Variants in SLITRK1 observed in about 807,000 individuals in gnomAD.
SLITRK1 encodes SLIT and NTRK like family member 1.
A neutral mutation model predicts 42.4 loss-of-function variants in SLITRK1; 10 were observed. The ratio of observed to expected loss-of-function variants is 0.24; its 90% CI spans 0.15 to 0.40. SLITRK1 has a LOEUF of 0.40. SLITRK1 is among the 10% of genes least tolerant of loss of function. The pLI, the probability that SLITRK1 is intolerant of heterozygous loss-of-function variation, is 1.00. For synonymous variants in SLITRK1, 389 were observed against 365.7 expected (o/e 1.06, Z -0.73); for missense variants, 778 against 848.8 (o/e 0.92, Z 1.04).
chr13:83,879,756 C>A lies in SLITRK1; in HGVS notation c.1752G>T (p.Arg584Ser), dbSNP rs569159908. The A allele has an allele frequency of 6.2e-7, 1 of 1,613,984 alleles. No individual in the cohort carries two copies. The highest frequency in any genetic ancestry group is 8.5e-7 in the Non-Finnish European group (1 of 1,180,004). Reference sequence around the variant, plus strand: ...TGTGCGAAGTTAACGTGGGCGAGATCCTAGCGTACAGCTGAGGGCAGATCT... The same window carrying A: ...TGTGCGAAGTTAACGTGGGCGAGATACTAGCGTACAGCTGAGGGCAGATCT... ...NDEICPQLYA[R>S]ISPTLTSHSK... The change falls in exon 2 of 2, where the codon AGG becomes AGT. Residue 584 changes from arginine (R) to serine (S), a missense_variant. Physicochemically the swap from Arg to Ser is moderately radical, Grantham distance 110. Transcript: ENST00000674365.
Position 83,880,793 on chromosome 13 carries a change from C to T in SLITRK1, c.715G>A (p.Val239Met), listed in dbSNP as rs372764349. Residue 239 changes from valine (V) to methionine (M), a missense_variant, in exon 2 of 2, where the codon GTG (valine) becomes ATG (methionine). Around this residue, in one of 4 missense-constraint regions of SLITRK1, gnomAD observed 204 missense variants for 295.3 expected, o/e 0.69. Transcript: ENST00000674365. ...AGTCTGGTGGGGGCTTCGCAGACCA[C>T]TCGGCCGATCAGGGCATTCTTGGGA... ...NIPKNALIGR[V>M]VCEAPTRLQG... 1.2e-6 allele frequency: 2 copies of T among 1,614,062 alleles called. No homozygotes were observed. Among genetic ancestry groups the T allele is most frequent in the African/African-American group, 2.7e-5 (2 of 74,918 alleles).
chr13:83,880,128 C>G lies in SLITRK1; in HGVS notation c.1380G>C (p.Gln460His), dbSNP rs969332686. The change falls in exon 2 of 2, where the codon CAG (glutamine) becomes CAC (histidine). Residue 460 changes from glutamine to histidine, a missense_variant. Gln to His is a conservative substitution (Grantham distance 24). Coordinates refer to ENST00000674365, the MANE Select transcript of SLITRK1 (RefSeq NM_001281503.2). ...CATTGAAAGTGCCCGGGAGGATGAGCTGGATAGCGTTGTACTCCACGTTCA... is the reference window on the plus strand; with the variant it reads ...CATTGAAAGTGCCCGGGAGGATGAGGTGGATAGCGTTGTACTCCACGTTCA... Reference protein sequence around the residue: ...EYLNVEYNAIQLILPGTFNAM... With the variant: ...EYLNVEYNAIHLILPGTFNAM... The G allele has an allele frequency of 9.9e-6, 16 of 1,613,846 alleles. No homozygotes were observed. Among genetic ancestry groups the G allele is most frequent in the Non-Finnish European group, 1.4e-5 (16 of 1,179,976 alleles).
rs1884732288 is a variant in SLITRK1, at chr13:83,878,320, T to C, written c.*1097A>G. On this transcript the variant is annotated 3_prime_UTR_variant, in exon 2 of 2. Coordinates refer to ENST00000674365, the MANE Select transcript of SLITRK1 (RefSeq NM_001281503.2). ...AATAGAATTAGTAAGTTTCACGTGC[T>C]TCCTCGGTTCTCTTTTCCTACTTTA... 6.6e-6 allele frequency: 1 copy of C among 152,608 alleles called. No individual in the cohort carries two copies. The highest frequency in any genetic ancestry group is 6.5e-5 in the Admixed American group (1 of 15,278). 9.5% of individuals were successfully genotyped at this position (152,608 alleles called of 1,614,324 possible). A position where few individuals can be genotyped will look rare whatever the true frequency, so the allele number is the denominator to read the frequency against.
Position 83,880,366 on chromosome 13 carries a change from A to C in SLITRK1, c.1142T>G (p.Phe381Cys). The stretch of plus-strand genomic sequence containing the variant: ...GCTGTGGATCTTGTTATCTCGTAGG[A>C]AAAGCTCCTGCACGTTAGAGAGCTT... ...KPKLSNVQEL[F>C]LRDNKIHSIR... Residue 381 changes from phenylalanine to cysteine, a missense_variant, in exon 2 of 2, where the codon TTC (phenylalanine) becomes TGC (cysteine). This residue lies in a region of SLITRK1 where 395 missense variants were observed against 360.4 expected (regional missense o/e 1.10). Transcript: ENST00000674365. 1.2e-6 allele frequency: 2 copies of C among 1,613,904 alleles called. No individual in the cohort carries two copies. The highest frequency in any genetic ancestry group is 4.5e-5 in the East Asian group (2 of 44,846).
Position 83,881,337 on chromosome 13 carries a change from A to C in SLITRK1, c.171T>G (p.Thr57=). The C allele has an allele frequency of 6.2e-7, 1 of 1,614,182 alleles. No individual in the cohort carries two copies. The highest frequency in any genetic ancestry group is 8.5e-7 in the Non-Finnish European group (1 of 1,180,030). The change falls in exon 2 of 2, where the codon ACT becomes ACG. Residue 57 remains threonine (T), a synonymous_variant. Transcript: ENST00000674365. ...FTSLQRFTAP[T]SQFYHLFLHG... is the part of the protein sequence containing the mutation. Reference sequence around the variant, plus strand: ...GCAGAAATAAATGGTAAAACTGGGAAGTCGGGGCAGTGAAACGCTGCAGAC... The same window carrying C: ...GCAGAAATAAATGGTAAAACTGGGACGTCGGGGCAGTGAAACGCTGCAGAC...
In SLITRK1 at chr13:83,879,256, A is replaced by G. The variant is rs1594117100; in HGVS notation, c.*161T>C. The stretch of plus-strand genomic sequence containing the variant: ...CAAGGAGGGAGCTAAGTAAGGGGTC[A>G]GGCCCTTTCGGTTGTGCGAGCTCAC... On this transcript the variant is annotated 3_prime_UTR_variant, in exon 2 of 2. Transcript: ENST00000674365. 8.5e-6 allele frequency: 7 copies of G among 828,166 alleles called. No individual in the cohort carries two copies. In the East Asian group the frequency reaches 1.6e-4, roughly 19 times the overall value. 51.3% of individuals were successfully genotyped at this position (828,166 alleles called of 1,614,324 possible).
At position 83,878,764 on chromosome 13, in the gene SLITRK1, A is replaced by T. The variant is rs921184138; in HGVS notation, c.*653T>A. 6.5e-6 allele frequency: 1 copy of T among 153,024 alleles called. No homozygotes were observed. The highest frequency in any genetic ancestry group is 2.1e-4 in the South Asian group (1 of 4,846). 9.5% of individuals were successfully genotyped at this position (153,024 alleles called of 1,614,324 possible). ...AATGGCGAAATGGCACTTTCTGATTATACTGTATTTTGTTTATAGAAAGTT... is the reference window on the plus strand; with the variant it reads ...AATGGCGAAATGGCACTTTCTGATTTTACTGTATTTTGTTTATAGAAAGTT... On this transcript the variant is annotated 3_prime_UTR_variant, in exon 2 of 2. Transcript: ENST00000674365.
chr13:83,880,609 G>A lies in SLITRK1; in HGVS notation c.899C>T (p.Thr300Ile), dbSNP rs1032295031. Residue 300 changes from threonine to isoleucine, a missense_variant, in exon 2 of 2, where the codon ACA becomes ATA. By Grantham distance (89) the Thr-to-Ile change is moderately conservative (BLOSUM62 -1). Coordinates refer to ENST00000674365, the MANE Select transcript of SLITRK1 (RefSeq NM_001281503.2). Reference protein sequence around the residue: ...FKTNGQEDHATPGSAPNGGTK... With the variant: ...FKTNGQEDHAIPGSAPNGGTK... The stretch of plus-strand genomic sequence containing the variant: ...ACCTCCGTTTGGAGCAGACCCTGGT[G>A]TGGCATGATCCTCTTGCCCATTTGT... 2.3e-5 allele frequency: 37 copies of A among 1,614,058 alleles called. No homozygotes were observed. The highest frequency in any genetic ancestry group is 2.7e-5 in the Non-Finnish European group (32 of 1,180,044).
Position 83,879,864 on chromosome 13 carries a change from A to G in SLITRK1, c.1644T>C (p.Gly548=), listed in dbSNP as rs183388853. The part of the protein sequence containing the change: ...VPFKQWAERL[G]SEVLMSDLKC... ...TGAGGTCGCTCATCAGCACTTCGGA[A>G]CCCAAGCGTTCTGCCCACTGCTTGA... is the stretch of plus-strand genomic sequence containing the variant. Residue 548 remains glycine (G), a synonymous_variant, in exon 2 of 2, where the codon GGT becomes GGC. Transcript: ENST00000674365. The G allele has an allele frequency of 4.8e-5, 78 of 1,614,072 alleles. No homozygotes were observed. The African/African-American group carries it at 7.9e-4, about 16-fold the overall frequency.
At position 83,880,676 on chromosome 13, in the gene SLITRK1, C is replaced by T. The variant is rs1884794665; in HGVS notation, c.832G>A (p.Glu278Lys). Residue 278 changes from glutamate to lysine, a missense_variant, in exon 2 of 2, where the codon GAA becomes AAA. This residue lies in a region of SLITRK1 where 395 missense variants were observed against 360.4 expected (regional missense o/e 1.10). Coordinates refer to ENST00000674365, the MANE Select transcript of SLITRK1 (RefSeq NM_001281503.2). ...DSSLPAPPAQ[E>K]ETFAPGPLPT... The stretch of plus-strand genomic sequence containing the variant: ...AGGGGTCCAGGAGCAAAGGTCTCTT[C>T]TTGGGCAGGGGGCGCCGGGAGACTA... 6.2e-6 allele frequency: 10 copies of T among 1,614,110 alleles called. No individual in the cohort carries two copies. Among genetic ancestry groups the T allele is most frequent in the Non-Finnish European group, 7.6e-6 (9 of 1,180,016 alleles).
chr13:83,881,211 C>T lies in SLITRK1; in HGVS notation c.297G>A (p.Pro99=). Reference sequence around the variant, plus strand: ...CCAGCTGCAGCCCCAGAAAAGCCCCCGGAACGATTTCATGCAAGCCATTGT... The same window carrying T: ...CCAGCTGCAGCCCCAGAAAAGCCCCTGGAACGATTTCATGCAAGCCATTGT... ...MENNGLHEIV[P]GAFLGLQLVK... The change falls in exon 2 of 2, where the codon CCG becomes CCA. Residue 99 remains proline (P), a synonymous_variant. Coordinates refer to ENST00000674365, the MANE Select transcript of SLITRK1 (RefSeq NM_001281503.2). 4 of 1,614,110 alleles carry T rather than the reference C, an allele frequency of 2.5e-6. No individual in the cohort carries two copies. The highest frequency in any genetic ancestry group is 3.4e-6 in the Non-Finnish European group (4 of 1,180,026).
rs1410216234 is a variant in SLITRK1 at position 83,880,447 on chromosome 13, C to G, written c.1061G>C (p.Gly354Ala). The change falls in exon 2 of 2, where the codon GGT (glycine) becomes GCT (alanine). Residue 354 changes from glycine (G) to alanine (A), a missense_variant. Gly to Ala is a moderately conservative substitution (Grantham distance 60). Around this residue, in one of 4 missense-constraint regions of SLITRK1, gnomAD observed 395 missense variants for 360.4 expected, o/e 1.10. Transcript: ENST00000674365. ...CCTGTTGTTGCAGTTCATCTTTAAA[C>G]CCGACCCTGGGATGTGGTCGCAGCT... ...GCSCDHIPGS[G>A]LKMNCNNRNV... 9.3e-6 allele frequency: 15 copies of G among 1,614,006 alleles called. No homozygotes were observed. The highest frequency in any genetic ancestry group is 1.3e-5 in the Non-Finnish European group (15 of 1,180,032).
At position 83,880,435 on chromosome 13, in the gene SLITRK1, T is replaced by A. The variant is rs187728650; in HGVS notation, c.1073A>T (p.Asn358Ile). The A allele has an allele frequency of 3.4e-5, 55 of 1,613,968 alleles. No homozygotes were observed. The Admixed American group carries it at 8.8e-4, about 26-fold the overall frequency. ...DHIPGSGLKM[N>I]CNNRNVSSLA... is the part of the protein sequence containing the mutation. ...GCTGCTCACGTTCCTGTTGTTGCAG[T>A]TCATCTTTAAACCCGACCCTGGGAT... Residue 358 changes from asparagine (N) to isoleucine (I), a missense_variant, in exon 2 of 2, where the codon AAC becomes ATC. Coordinates refer to ENST00000674365, the MANE Select transcript of SLITRK1 (RefSeq NM_001281503.2).
rs1884765663 is a variant in SLITRK1 at position 83,879,632 on chromosome 13, G to T, written c.1876C>A (p.Leu626Met). 1.1e-5 allele frequency: 17 copies of T among 1,613,772 alleles called. No individual in the cohort carries two copies. Among genetic ancestry groups the T allele is most frequent in the Non-Finnish European group, 1.4e-5 (16 of 1,179,934 alleles). Residue 626 changes from leucine (L) to methionine (M), a missense_variant, in exon 2 of 2, where the codon CTG becomes ATG. This residue lies in a region of SLITRK1 where 164 missense variants were observed against 158.2 expected (regional missense o/e 1.04). Transcript: ENST00000674365. ...GTGAAGGCGGAGGTGACAAACACCA[G>T]CAGCAGTCCCGGGACCAACACCGAG... is the stretch of plus-strand genomic sequence containing the variant. ...SISVLVPGLL[L>M]VFVTSAFTVV... is the part of the protein sequence containing the mutation.
Position 83,880,070 on chromosome 13 carries a change from T to A in SLITRK1, c.1438A>T (p.Asn480Tyr). ...ACAGGCAGGGACCTCAGCAGGTTGT[T>A]GTTGAGAATGAGGATCCTCAGTTTG... ...MPKLRILILN[N>Y]NLLRSLPVDV... Residue 480 changes from asparagine (N) to tyrosine (Y), a missense_variant, in exon 2 of 2, where the codon AAC becomes TAC. Physicochemically the swap from Asn to Tyr is moderately radical, Grantham distance 143. Transcript: ENST00000674365. The A allele has an allele frequency of 6.2e-7, 1 of 1,613,896 alleles. No individual in the cohort carries two copies. Among genetic ancestry groups the A allele is most frequent in the Non-Finnish European group, 8.5e-7 (1 of 1,179,980 alleles).
Position 83,880,604 on chromosome 13 carries a change from C to A in SLITRK1, c.904G>T (p.Gly302Trp). Reference protein sequence around the residue: ...TNGQEDHATPGSAPNGGTKIP... With the variant: ...TNGQEDHATPWSAPNGGTKIP... ...TTTGTACCTCCGTTTGGAGCAGACC[C>A]TGGTGTGGCATGATCCTCTTGCCCA... is the stretch of plus-strand genomic sequence containing the variant. The change falls in exon 2 of 2, where the codon GGG becomes TGG. Residue 302 changes from glycine to tryptophan, a missense_variant. Coordinates refer to ENST00000674365, the MANE Select transcript of SLITRK1 (RefSeq NM_001281503.2). 1 of 1,614,100 alleles carries A rather than the reference C, an allele frequency of 6.2e-7. No individual in the cohort carries two copies. The highest frequency in any genetic ancestry group is 8.5e-7 in the Non-Finnish European group (1 of 1,180,032).
In SLITRK1 at chr13:83,877,642, T is replaced by A. The variant is rs1431213261; in HGVS notation, c.*1775A>T. 1 of 123,770 alleles carries A rather than the reference T, an allele frequency of 8.1e-6. No individual in the cohort carries two copies. Among genetic ancestry groups the A allele is most frequent in the East Asian group, 2.3e-4 (1 of 4,342 alleles). 7.7% of individuals were successfully genotyped at this position (123,770 alleles called of 1,614,324 possible). A position where few individuals can be genotyped will look rare whatever the true frequency, so the allele number is the denominator to read the frequency against. ...TCTTTAGGATAATGATTAATTTCCATAAAGATGAGTGCTTTAACAAATTTC... is the reference window on the plus strand; with the variant it reads ...TCTTTAGGATAATGATTAATTTCCAAAAAGATGAGTGCTTTAACAAATTTC... On this transcript the variant is annotated 3_prime_UTR_variant, in exon 2 of 2. Coordinates refer to ENST00000674365, the MANE Select transcript of SLITRK1 (RefSeq NM_001281503.2).
chr13:83,881,721 T>A, intron 1 of SLITRK1, 161 bp from the exon 2 acceptor site: 1 of 328,126 alleles, frequency 3.0e-6, no homozygotes, highest in Non-Finnish European at 5.5e-6. Context: ...ATCCACAAAC[T>A]ATCCAGGCAC....
rs1167148440 is a variant in SLITRK1 at position 83,880,499 on chromosome 13, T to C, written c.1009A>G (p.Asn337Asp). The change falls in exon 2 of 2, where the codon AAC becomes GAC. Residue 337 changes from asparagine (N) to aspartate (D), a missense_variant. Physicochemically the swap from Asn to Asp is conservative, Grantham distance 23. Coordinates refer to ENST00000674365, the MANE Select transcript of SLITRK1 (RefSeq NM_001281503.2). ...TGSSRNKPLA[N>D]SLPCPGGCSC... ...CAGCCCCCAGGGCAGGGTAAACTGT[T>C]AGCTAAGGGTTTGTTCCTGGAGCTA... 2 of 1,613,910 alleles carry C rather than the reference T, an allele frequency of 1.2e-6. No homozygotes were observed. Among genetic ancestry groups the C allele is most frequent in the Admixed American group, 1.7e-5 (1 of 59,992 alleles).
Sources: allele counts gnomAD v4.1 joint callset, GRCh38; gene constraint gnomAD v4.1.1; regional missense constraint gnomAD v4.1.1; transcripts MANE v1.5; gene names NCBI Gene and HGNC (gene_info 2026-07-23, HGNC 2026-07-21).